NCOR1: variants seen among roughly 807,000 people sequenced by gnomAD.
NCOR1 encodes the protein protein phosphatase 1, regulatory subunit 109.
Under a neutral mutation model 288.1 loss-of-function variants are expected in NCOR1, and 63 were observed. The ratio of observed to expected loss-of-function variants is 0.22; its 90% CI spans 0.18 to 0.27. NCOR1 has a LOEUF of 0.27. NCOR1 is among the 10% of genes least tolerant of loss of function. NCOR1 has a pLI of 1.00. For missense variants in NCOR1, 2,397 were observed against 3,019.2 expected (o/e 0.79, Z 4.83); for synonymous variants, 1,007 against 1,065.9 (o/e 0.94, Z 1.08).
chr17:16,043,781 AACAAG>A (rs1733645103), intron 42 of NCOR1, among the ~76,000 whole-genome samples: 1 of 152,216 alleles, frequency 6.6e-6, no homozygotes, highest in African/African-American at 2.4e-5. Context: ...AGAAATTGAA[AACAAG>A]AGTATATTTT....
At chr17:16,051,772 G>A (rs1279449171) in intron 40 of NCOR1, among the ~76,000 whole-genome samples, 1 of 151,946 alleles carries the variant, frequency 6.6e-6, no homozygotes, top group Non-Finnish European at 1.5e-5. Flanking sequence ...AATTAGCTGG[G>A]GTGGTGGCAC....
At chr17:16,155,989 A>G (rs923309756) in intron 6 of NCOR1, among the ~76,000 whole-genome samples, 1 of 152,152 alleles carries the variant, frequency 6.6e-6, no homozygotes, top group African/African-American at 2.4e-5. Flanking sequence ...TGTATAAAAC[A>G]TACATAAGAA....
At position 16,080,676 on chromosome 17, in the gene NCOR1, C is replaced by T; in HGVS notation, c.3229G>A (p.Glu1077Lys). Residue 1077 changes from glutamate to lysine, a missense_variant, in exon 24 of 46, where the codon GAA becomes AAA. Glu to Lys is a moderately conservative substitution (Grantham distance 56, BLOSUM62 1). Transcript: ENST00000268712. ...TSHNQASYTQETPKPSVGSIS... is the reference protein window; with the variant it reads ...TSHNQASYTQKTPKPSVGSIS... Reference sequence around the variant, plus strand: ...GATCCCACTGACGGCTTGGGTGTTTCTTGAGTGTAGGAAGCCTGATTATGA... The same window carrying T: ...GATCCCACTGACGGCTTGGGTGTTTTTTGAGTGTAGGAAGCCTGATTATGA... 6.2e-7 allele frequency: 1 copy of T among 1,613,994 alleles called. No individual in the cohort carries two copies. The highest frequency in any genetic ancestry group is 8.5e-7 in the Non-Finnish European group (1 of 1,179,984).
At chr17:16,163,489 A>G (rs2081313777) in intron 5 of NCOR1, among the ~76,000 whole-genome samples, 2 of 152,230 alleles carry the variant, frequency 1.3e-5, no homozygotes, top group South Asian at 4.1e-4. Flanking sequence ...AAGGATGGCT[A>G]TATTTTTTTA....
intron 4 of NCOR1, among the ~76,000 whole-genome samples, chr17:16,170,107 C>CTGTGTGTGTGTGTGTGTG (rs61345864): frequency 4.9e-3 from 730 of 147,672 alleles, no homozygotes; most frequent in Middle Eastern, 0.01. Flanking sequence ...TATTTGCTTT[C>CTGTGTGTGTGTGTGTGTG]TGTGTGTGTG....
At chr17:16,107,605 GATTT>G (rs1393082993) in intron 19 of NCOR1, among the ~76,000 whole-genome samples, 2 of 152,168 alleles carry the variant, frequency 1.3e-5, no homozygotes, top group East Asian at 3.9e-4. Flanking sequence ...AGCCCAAGGA[GATTT>G]ATTAACCTCC....
chr17:16,194,781 C>T (rs1483669463), intron 1 of NCOR1, 142 bp from the exon 2 acceptor site: 2 of 374,042 alleles, frequency 5.3e-6, no homozygotes, highest in Admixed American at 4.1e-5. Context: ...ATAAAAGTTA[C>T]CAAGGTTTGA....
At chr17:16,085,625 G>C (rs1185363577) in intron 23 of NCOR1, among the ~76,000 whole-genome samples, 1 of 152,216 alleles carries the variant, frequency 6.6e-6, no homozygotes, top group African/African-American at 2.4e-5. Flanking sequence ...CACCATGTTT[G>C]ATTCCATTCA....
At chr17:16,140,413 C>G (rs1268284960) in intron 11 of NCOR1, among the ~76,000 whole-genome samples, 1 of 152,192 alleles carries the variant, frequency 6.6e-6, no homozygotes, top group East Asian at 1.9e-4. Context: ...CTTGTAATCC[C>G]AGCACTTTTG....
intron 15 of NCOR1, among the ~76,000 whole-genome samples, chr17:16,123,334 AAT>A (rs2073383008): frequency 1.3e-5 from 2 of 151,998 alleles, no homozygotes; most frequent in Non-Finnish European, 2.9e-5. Flanking sequence ...CTCTCTCACT[AAT>A]TTTACCATCT....
chr17:16,148,282 G>A (rs536460751), intron 9 of NCOR1, among the ~76,000 whole-genome samples: 17 of 152,148 alleles, frequency 1.1e-4, no homozygotes, highest in South Asian at 1.0e-3. Context: ...CTCCCTCTGC[G>A]TATACAAGTT....
chr17:16,190,673 C>T lies in NCOR1; in HGVS notation c.108+3789G>A, dbSNP rs186315863. Among the ~76,000 whole-genome samples, 429 of 152,174 alleles carry T rather than the reference C, an allele frequency of 2.8e-3. 3 individuals carry two copies. The highest frequency in any genetic ancestry group is 9.5e-3 in the African/African-American group (396 of 41,506). ...CCTGAAAGAATTTCTAAAGGACGTACCCAGCAAGAAAAATTAAGAGTAAGG... is the reference window on the plus strand; with the variant it reads ...CCTGAAAGAATTTCTAAAGGACGTATCCAGCAAGAAAAATTAAGAGTAAGG... On this transcript the variant is annotated intron_variant, in intron 2 of 45. Coordinates refer to ENST00000268712, the MANE Select transcript of NCOR1 (RefSeq NM_006311.4).
At position 16,049,171 on chromosome 17, in the gene NCOR1, A is replaced by C. The variant is rs2059015565; in HGVS notation, c.6393-183T>G. 4 of 473,554 alleles carry C rather than the reference A, an allele frequency of 8.4e-6. No individual in the cohort carries two copies. The South Asian group carries it at 1.5e-4, about 17-fold the overall frequency. The allele number at this position is 473,554 out of a possible 1,614,324, so 29.3% of individuals were successfully genotyped here. Reference sequence around the variant, plus strand: ...AGTTAAAACAAACAAACAACAACAAAAAAAACCACTGTGTTACTGCCACTT... The same window carrying C: ...AGTTAAAACAAACAAACAACAACAACAAAAACCACTGTGTTACTGCCACTT... On this transcript the variant is annotated intron_variant, in intron 40 of 45. Coordinates refer to ENST00000268712, the MANE Select transcript of NCOR1 (RefSeq NM_006311.4).
intron 42 of NCOR1, among the ~76,000 whole-genome samples, chr17:16,041,871 G>A (rs2057754580): frequency 6.6e-6 from 1 of 151,882 alleles, no homozygotes; most frequent in Non-Finnish European, 1.5e-5. Context: ...CGAGTGGCTG[G>A]GACTACAGGC....
At chr17:16,155,034 A>G (rs16959544) in intron 6 of NCOR1, among the ~76,000 whole-genome samples, 7,528 of 152,202 alleles carry the variant, frequency 0.049, 222 homozygotes, top group African/African-American at 0.093. Flanking sequence ...CTGAAGTCAC[A>G]TTCTCTTGCA....
At chr17:16,084,669 TACTGTCAAATGATTTCTA>T (rs559549814) in intron 23 of NCOR1, among the ~76,000 whole-genome samples, 187 of 152,286 alleles carry the variant, frequency 1.2e-3, no homozygotes, top group Non-Finnish European at 2.2e-3. Context: ...GACCCATATA[TACTGTCAAATGATTTCTA>T]ACAAAGGAAC....
intron 15 of NCOR1, among the ~76,000 whole-genome samples, chr17:16,125,352 G>A (rs769771696): frequency 2.0e-5 from 3 of 151,910 alleles, no homozygotes; most frequent in Non-Finnish European, 4.4e-5. Flanking sequence ...AACAGACTGA[G>A]GCTCTGTCTC....
chr17:16,076,691 G>A (rs893942142), intron 26 of NCOR1, among the ~76,000 whole-genome samples: 2 of 152,126 alleles, frequency 1.3e-5, no homozygotes, highest in East Asian at 3.8e-4. Flanking sequence ...CATGACATCC[G>A]ATGAAAAGTA....
chr17:16,151,219 G>A (rs2078821204), intron 8 of NCOR1, among the ~76,000 whole-genome samples: 1 of 143,250 alleles, frequency 7.0e-6, no homozygotes, highest in South Asian at 2.2e-4. Context: ...TTAAAAAAAA[G>A]ATATCTATCT....
Sources: gnomAD v4.1 joint callset for allele counts (sites outside exome capture counted in the v4.1 genomes callset) on GRCh38, gnomAD v4.1.1 for gene constraint, MANE v1.5 for transcripts, NCBI Gene and HGNC (gene_info 2026-07-23, HGNC 2026-07-21) for gene names.